The following FARP2 variants were observed in gnomAD, a reference collection of about 807,000 sequenced individuals.
The protein encoded by FARP2 is FERM, ARHGEF and pleckstrin domain-containing protein 2.
Under a neutral mutation model 130.5 loss-of-function variants are expected in FARP2, and 111 were observed. The observed-to-expected ratio is 0.85, with a 90% CI of 0.73 to 1.00. The LOEUF (loss-of-function observed/expected upper bound fraction) is 1.00, where lower values mean the gene tolerates loss of function less well. Among genes scored for constraint, FARP2 ranks in the 50% least tolerant of loss-of-function variants. The probability of loss-of-function intolerance (pLI) is 0.00; values close to 1 mark genes in which losing one functional copy is unlikely to be tolerated. For synonymous variants in FARP2, 504 were observed against 516.9 expected (o/e 0.98, Z 0.34); for missense variants, 1,385 against 1,346.3 (o/e 1.03, Z -0.45).
intron 13 of FARP2, among the ~76,000 whole-genome samples, chr2:241,447,453 G>A (rs975928839): frequency 3.3e-5 from 5 of 152,188 alleles, no homozygotes; most frequent in African/African-American, 1.2e-4. Flanking sequence ...AGAGCTGGGT[G>A]TCGGGGAGGA....
At chr2:241,441,883 G>A in intron 13 of FARP2, 1 of 418,098 alleles carries the variant, frequency 2.4e-6, no homozygotes. Flanking sequence ...TTATGGCTCT[G>A]TAGTCCCACA....
intron 2 of FARP2, among the ~76,000 whole-genome samples, chr2:241,373,772 T>C (rs983430224): frequency 6.6e-6 from 1 of 152,206 alleles, no homozygotes. Context: ...GCAGGAGGTG[T>C]TGTATGGTGT....
chr2:241,367,731 T>C (rs2061346405), intron 1 of FARP2, among the ~76,000 whole-genome samples: 1 of 152,114 alleles, frequency 6.6e-6, no homozygotes, highest in African/African-American at 2.4e-5. Context: ...TGTTAGCCTC[T>C]ACCCGTTACT....
intron 13 of FARP2, chr2:241,442,946 T>C (rs1300951455): frequency 2.0e-5 from 4 of 199,834 alleles, no homozygotes; most frequent in Non-Finnish European, 3.1e-5. Flanking sequence ...TTGCCTATAA[T>C]TAACTAGGAC....
intron 2 of FARP2, 125 bp from the exon 3 acceptor site, chr2:241,403,703 C>A: frequency 2.1e-6 from 1 of 484,162 alleles, no homozygotes; most frequent in Non-Finnish European, 3.7e-6. Flanking sequence ...GTTTATAAAT[C>A]TTAGTTATAC....
intron 18 of FARP2, among the ~76,000 whole-genome samples, chr2:241,471,902 G>GTTCTGTGGGGAACCTC (rs1559802810): frequency 2.4e-4 from 20 of 82,940 alleles, no homozygotes; most frequent in Admixed American, 3.2e-4. Flanking sequence ...AGAGGACCAT[G>GTTCTGTGGGGAACCTC]TTCTGTGGGG....
chr2:241,382,290 C>CTCTTTTTTTTT (rs1553709361), intron 2 of FARP2, among the ~76,000 whole-genome samples: 2 of 127,198 alleles, frequency 1.6e-5, no homozygotes. Flanking sequence ...TGTACAAAAT[C>CTCTTTTTTTTT]TATTTTTTTT....
intron 6 of FARP2, among the ~76,000 whole-genome samples, chr2:241,412,275 C>A (rs764116148): frequency 6.6e-6 from 1 of 152,102 alleles, no homozygotes; most frequent in Admixed American, 6.5e-5. Flanking sequence ...GGAAAAGATC[C>A]GCCCCCATGA....
intron 25 of FARP2, 46 bp from the exon 26 acceptor site, chr2:241,493,246 TG>T: frequency 6.3e-7 from 1 of 1,599,186 alleles, no homozygotes; most frequent in Non-Finnish European, 8.6e-7. Flanking sequence ...GGGCATTCCC[TG>T]TGGCAACCCA....
rs377756688 is a variant in FARP2, at chr2:241,468,131, C to T, written c.1894-9C>T. On this transcript the variant is annotated splice_polypyrimidine_tract_variant and intron_variant, in intron 17 of 26. Transcript: ENST00000264042. The stretch of plus-strand genomic sequence containing the variant: ...CTCACCTAAAGGCCCCACTCTTGCG[C>T]CTCCACAGGAGTTTACCAGCTACTT... 5.4e-5 allele frequency: 86 copies of T among 1,585,898 alleles called. No homozygotes were observed. The African/African-American group carries it at 1.0e-3, about 19-fold the overall frequency.
At chr2:241,485,837 C>A (rs2064739111) in intron 21 of FARP2, among the ~76,000 whole-genome samples, 1 of 150,258 alleles carries the variant, frequency 6.7e-6, no homozygotes, top group Admixed American at 6.6e-5. Flanking sequence ...TCCCTGAGAT[C>A]CTCTCTCCCT....
At chr2:241,391,454 A>C (rs1231492650) in intron 2 of FARP2, among the ~76,000 whole-genome samples, 1 of 152,094 alleles carries the variant, frequency 6.6e-6, no homozygotes, top group Non-Finnish European at 1.5e-5. Context: ...GTAATGGGCG[A>C]GTGTTCTACA....
intron 2 of FARP2, among the ~76,000 whole-genome samples, chr2:241,402,469 T>G (rs1341893279): frequency 6.6e-6 from 1 of 152,194 alleles, no homozygotes; most frequent in East Asian, 1.9e-4. Flanking sequence ...TGATTCTAGA[T>G]AACTTTGTTA....
chr2:241,363,611 G>A (rs1287800347), intron 1 of FARP2, among the ~76,000 whole-genome samples: 1 of 152,218 alleles, frequency 6.6e-6, no homozygotes, highest in African/African-American at 2.4e-5. Flanking sequence ...GACGGAACTC[G>A]GCTATGGGAT....
chr2:241,422,158 G>A (rs1478129125), intron 8 of FARP2, among the ~76,000 whole-genome samples: 1 of 148,914 alleles, frequency 6.7e-6, no homozygotes, highest in African/African-American at 2.5e-5. Flanking sequence ...ACAAACACCT[G>A]TAATCCCAGC....
intron 1 of FARP2, among the ~76,000 whole-genome samples, chr2:241,371,580 G>C (rs942317710): frequency 6.6e-6 from 1 of 152,198 alleles, no homozygotes; most frequent in African/African-American, 2.4e-5. Context: ...TTAAGTTGTC[G>C]TGCAAGGGGA....
At chr2:241,463,759 C>T in intron 16 of FARP2, 140 bp from the exon 17 acceptor site, 1 of 778,868 alleles carries the variant, frequency 1.3e-6, no homozygotes. Flanking sequence ...AGGGCAGGCC[C>T]TGCCCTGCGG....
chr2:241,480,252 C>G (rs2064581677), intron 19 of FARP2, among the ~76,000 whole-genome samples: 1 of 152,224 alleles, frequency 6.6e-6, no homozygotes. Flanking sequence ...TAGGCCTCAT[C>G]TTCTTCTTTG....
intron 1 of FARP2, among the ~76,000 whole-genome samples, chr2:241,359,537 A>T (rs1283083941): frequency 6.6e-6 from 1 of 152,122 alleles, no homozygotes; most frequent in Non-Finnish European, 1.5e-5. Flanking sequence ...CTGCTCCTGC[A>T]GTTTCTATGT....
Sources: gnomAD v4.1 joint callset for allele counts (sites outside exome capture counted in the v4.1 genomes callset) on GRCh38, gnomAD v4.1.1 for gene constraint, MANE v1.5 for transcripts, NCBI Gene and HGNC (gene_info 2026-07-23, HGNC 2026-07-21) for gene names.